The following SLC6A11 variants were observed in gnomAD, a reference collection of about 807,000 sequenced individuals.
The protein encoded by SLC6A11 is sodium- and chloride-dependent GABA transporter 3.
In SLC6A11, 25 loss-of-function variants were observed where a neutral mutation model predicts 74.8. The ratio of observed to expected loss-of-function variants is 0.33; its 90% CI spans 0.24 to 0.47. The LOEUF (loss-of-function observed/expected upper bound fraction) is 0.47. Among genes scored for constraint, SLC6A11 ranks in the 20% least tolerant of loss-of-function variants. The probability of loss-of-function intolerance (pLI) is 1.00; values close to 1 mark genes in which losing one functional copy is unlikely to be tolerated. For missense variants in SLC6A11, 574 were observed against 837.0 expected, an observed-to-expected ratio of 0.69 and a Z score of 3.88; for synonymous variants, 330 against 330.2, an observed-to-expected ratio of 1.00 and a Z score of 0.01.
chr3:10,845,822 T>C (rs1204536675), intron 5 of SLC6A11, among the ~76,000 whole-genome samples: 1 of 152,200 alleles, frequency 6.6e-6, no homozygotes, highest in Non-Finnish European at 1.5e-5. Flanking sequence ...GACAATAGGA[T>C]TTTTCTTTTT....
chr3:10,816,625 A>C lies in SLC6A11; in HGVS notation c.256+104A>C, dbSNP rs1265072816. The stretch of plus-strand genomic sequence containing the variant: ...CCCTCCCGCGCCTGCGTGGAGCGGA[A>C]CCCGAGCGGAGAACCTCGACTCCAG... On this transcript the variant is annotated intron_variant, in intron 1 of 13. Coordinates refer to ENST00000254488, the MANE Select transcript of SLC6A11 (RefSeq NM_014229.3). The surrounding 1 kb of genome is among the most constrained non-coding windows in gnomAD (Gnocchi z 4.2). The C allele has an allele frequency of 3.2e-6, 4 of 1,232,210 alleles. No individual in the cohort carries two copies. Among genetic ancestry groups the C allele is most frequent in the Non-Finnish European group, 4.3e-6 (4 of 922,690 alleles). The allele number at this position is 1,232,210 out of a possible 1,614,324, so 76.3% of individuals were successfully genotyped here.
At chr3:10,862,445 C>T (rs548326683) in intron 5 of SLC6A11, among the ~76,000 whole-genome samples, 2 of 152,304 alleles carry the variant, frequency 1.3e-5, no homozygotes, top group South Asian at 4.1e-4. Context: ...ACACTAGACT[C>T]CCTCATCGAG....
At position 10,875,037 on chromosome 3, in the gene SLC6A11, C is replaced by T; in HGVS notation, c.833C>T (p.Ala278Val). The change falls in exon 6 of 14, where the codon GCC (alanine) becomes GTC (valine). Residue 278 changes from alanine to valine, a missense_variant. Transcript: ENST00000254488. ...LLIRGVTLPG[A>V]SEGIKFYLYP... is the part of the protein sequence containing the mutation. Reference sequence around the variant, plus strand: ...ATACGAGGGGTCACGTTGCCCGGGGCCTCAGAGGGCATCAAGTTCTACTTG... The same window carrying T: ...ATACGAGGGGTCACGTTGCCCGGGGTCTCAGAGGGCATCAAGTTCTACTTG... The T allele has an allele frequency of 6.2e-7, 1 of 1,613,596 alleles. No individual in the cohort carries two copies. Among genetic ancestry groups the T allele is most frequent in the Non-Finnish European group, 8.5e-7 (1 of 1,179,752 alleles).
rs1340892041 is a variant in SLC6A11 at position 10,918,041 on chromosome 3, C to T, written c.996-288C>T. Among the ~76,000 whole-genome samples, 2 of 152,036 alleles carry T rather than the reference C, an allele frequency of 1.3e-5. No individual in the cohort carries two copies. The highest frequency in any genetic ancestry group is 6.5e-5 in the Admixed American group (1 of 15,278). On this transcript the variant is annotated intron_variant, in intron 7 of 13. Coordinates refer to ENST00000254488, the MANE Select transcript of SLC6A11 (RefSeq NM_014229.3). The surrounding 1 kb of genome is among the most constrained non-coding windows in gnomAD (Gnocchi z 4.5). ...GTCGGTGTGTTTCAGAGTATTTTCT[C>T]ATTAGTTCTGCATTTTCCCATATGC...
chr3:10,875,105 G>C lies in SLC6A11; in HGVS notation c.891+10G>C, dbSNP rs192127326. 8 of 1,596,516 alleles carry C rather than the reference G, an allele frequency of 5.0e-6. No homozygotes were observed. The East Asian group carries it at 1.6e-4, about 31-fold the overall frequency. ...GCTCTCCGACCCCCAGGTAAGAGTC[G>C]CTTGCTCAATGTGCAGCATCACCCA... On this transcript the variant is annotated intron_variant, in intron 6 of 13. Coordinates refer to ENST00000254488, the MANE Select transcript of SLC6A11 (RefSeq NM_014229.3).
intron 5 of SLC6A11, among the ~76,000 whole-genome samples, chr3:10,871,376 G>A (rs1035388742): frequency 6.6e-6 from 1 of 152,186 alleles, no homozygotes; most frequent in Non-Finnish European, 1.5e-5. Context: ...AATTAAGATA[G>A]CTGAGTTCCA....
intron 13 of SLC6A11, among the ~76,000 whole-genome samples, chr3:10,936,870 C>G (rs529239200): frequency 2.6e-5 from 4 of 152,272 alleles, no homozygotes; most frequent in South Asian, 2.1e-4. Context: ...GGGGAGGGAG[C>G]CTTCTTTCCT....
At chr3:10,837,004 A>G (rs1040172323) in intron 4 of SLC6A11, among the ~76,000 whole-genome samples, 15 of 152,202 alleles carry the variant, frequency 9.9e-5, no homozygotes, top group African/African-American at 3.6e-4. Flanking sequence ...CCTTTACAGA[A>G]AAAGCTTGCT....
At chr3:10,889,355 C>T (rs1211267483) in intron 6 of SLC6A11, among the ~76,000 whole-genome samples, 1 of 152,068 alleles carries the variant, frequency 6.6e-6, no homozygotes, top group African/African-American at 2.4e-5. Flanking sequence ...TCCAAATGTG[C>T]AATGTTGTAG....
intron 5 of SLC6A11, among the ~76,000 whole-genome samples, chr3:10,852,038 G>A (rs1694582880): frequency 6.6e-6 from 1 of 152,250 alleles, no homozygotes; most frequent in Non-Finnish European, 1.5e-5. Flanking sequence ...TAAAGCAGGA[G>A]TAGAGGGGGA....
intron 3 of SLC6A11, among the ~76,000 whole-genome samples, chr3:10,822,145 G>T (rs1243638365): frequency 6.6e-6 from 1 of 152,256 alleles, no homozygotes. Context: ...CATAGGAGGT[G>T]ATTCCTGCCT....
At chr3:10,853,391 G>A (rs1694600732) in intron 5 of SLC6A11, among the ~76,000 whole-genome samples, 1 of 152,214 alleles carries the variant, frequency 6.6e-6, no homozygotes, top group South Asian at 2.1e-4. Flanking sequence ...TGCGGGCAAT[G>A]GCCCACTCAC....
intron 6 of SLC6A11, among the ~76,000 whole-genome samples, chr3:10,900,680 G>C (rs995260800): frequency 6.6e-6 from 1 of 152,196 alleles, no homozygotes; most frequent in Non-Finnish European, 1.5e-5. Flanking sequence ...ATGGTTATTA[G>C]CAAAGAAATG....
chr3:10,830,946 C>T (rs542113890), intron 4 of SLC6A11, among the ~76,000 whole-genome samples: 48 of 152,296 alleles, frequency 3.2e-4, no homozygotes, highest in African/African-American at 1.1e-3. Flanking sequence ...AGGCTCCTTC[C>T]TCCGGAGGTG....
At chr3:10,827,840 C>T (rs145270106) in intron 4 of SLC6A11, among the ~76,000 whole-genome samples, 2 of 152,300 alleles carry the variant, frequency 1.3e-5, no homozygotes, top group Non-Finnish European at 2.9e-5. Flanking sequence ...ACCTGGCCTG[C>T]CCACTCCCCA....
intron 5 of SLC6A11, among the ~76,000 whole-genome samples, chr3:10,865,722 G>T (rs905772949): frequency 6.6e-6 from 1 of 152,204 alleles, no homozygotes; most frequent in African/African-American, 2.4e-5. Flanking sequence ...TGGTAAAGCT[G>T]TTCTAACTGC....
rs1694618175 is a variant in SLC6A11 at position 10,854,740 on chromosome 3, C to T, written c.756+10394C>T. The stretch of plus-strand genomic sequence containing the variant: ...CAGAGTCCTTGCCTTAATATCACTC[C>T]TGAGTCCAGCATTCAAGGTCCTTCT... On this transcript the variant is annotated intron_variant, in intron 5 of 13. Coordinates refer to ENST00000254488, the MANE Select transcript of SLC6A11 (RefSeq NM_014229.3). 2.0e-5 allele frequency among the ~76,000 whole-genome samples: 3 copies of T among 152,234 alleles called. No homozygotes were observed. The South Asian group carries it at 6.2e-4, about 32-fold the overall frequency.
intron 6 of SLC6A11, among the ~76,000 whole-genome samples, chr3:10,907,604 A>G (rs149302567): frequency 1.2e-3 from 189 of 152,358 alleles, no homozygotes; most frequent in Middle Eastern, 0.01. Context: ...GTGTAGAACA[A>G]AACCTGTTGG....
At chr3:10,845,952 A>T (rs1694497323) in intron 5 of SLC6A11, among the ~76,000 whole-genome samples, 1 of 152,204 alleles carries the variant, frequency 6.6e-6, no homozygotes, top group Non-Finnish European at 1.5e-5. Context: ...CAAGGATTCA[A>T]ACCCCAGGTC....
Sources: gnomAD v4.1 joint callset for allele counts (sites outside exome capture counted in the v4.1 genomes callset) on GRCh38, gnomAD v4.1.1 for gene constraint, Gnocchi (gnomAD v3.1) non-coding constraint, MANE v1.5 for transcripts, NCBI Gene and HGNC (gene_info 2026-07-23, HGNC 2026-07-21) for gene names.